Variants in FSTL4 observed in about 807,000 individuals in gnomAD.
The protein encoded by FSTL4 is follistatin like 4.
A neutral mutation model predicts 78.2 loss-of-function variants in FSTL4; 28 were observed. The ratio of observed to expected loss-of-function variants is 0.36; its 90% CI spans 0.27 to 0.49. FSTL4 has a LOEUF of 0.49. FSTL4 is among the 20% of genes least tolerant of loss of function. The pLI is 0.98. For synonymous variants in FSTL4, 422 were observed against 440.5 expected (o/e 0.96, Z 0.53); for missense variants, 922 against 1,084.9 (o/e 0.85, Z 2.11).
the FSTL4 span, among the ~76,000 whole-genome samples, chr5:133,637,416 T>C: frequency 6.6e-6 from 1 of 152,118 alleles, no homozygotes; most frequent in Non-Finnish European, 1.5e-5. Flanking sequence ...GAGCATCTAC[T>C]ATATTCTAGG....
At chr5:133,807,458 G>T in the FSTL4 span, among the ~76,000 whole-genome samples, 1 of 152,198 alleles carries the variant, frequency 6.6e-6, no homozygotes. Context: ...AGGACAAATG[G>T]CTTAATCAAA....
chr5:133,472,774 T>C (rs1757850635), intron 3 of FSTL4, among the ~76,000 whole-genome samples: 1 of 152,256 alleles, frequency 6.6e-6, no homozygotes, highest in Non-Finnish European at 1.5e-5. Context: ...AATGCTGACA[T>C]GGCAAGGACA....
intron 6 of FSTL4, among the ~76,000 whole-genome samples, chr5:133,255,577 G>A (rs1399742761): frequency 6.6e-6 from 1 of 152,220 alleles, no homozygotes; most frequent in African/African-American, 2.4e-5. Context: ...TGGCACTCTG[G>A]TGCCTAGCAC....
chr5:133,240,140 G>A (rs539711854), intron 7 of FSTL4, among the ~76,000 whole-genome samples: 2 of 152,184 alleles, frequency 1.3e-5, no homozygotes, highest in African/African-American at 2.4e-5. Context: ...AAGCCAGCGA[G>A]ACCACGAACC....
At chr5:133,776,820 C>A in the FSTL4 span, among the ~76,000 whole-genome samples, 2 of 152,172 alleles carry the variant, frequency 1.3e-5, no homozygotes, top group Admixed American at 1.3e-4. Context: ...GGCTCTAGGG[C>A]CCCAGCTCTG....
the FSTL4 span, among the ~76,000 whole-genome samples, chr5:133,619,504 A>T: frequency 2.0e-5 from 3 of 152,206 alleles, no homozygotes; most frequent in Non-Finnish European, 4.4e-5. Flanking sequence ...ATGGGAGGCA[A>T]ATGCTATTAA....
intron 8 of FSTL4, among the ~76,000 whole-genome samples, chr5:133,230,739 C>T (rs567373385): frequency 3.9e-5 from 6 of 152,288 alleles, no homozygotes; most frequent in Middle Eastern, 6.8e-3. Context: ...TCTCCTCCTG[C>T]GCCTTATCCC....
chr5:133,825,058 C>T, the FSTL4 span, among the ~76,000 whole-genome samples: 2 of 152,178 alleles, frequency 1.3e-5, no homozygotes, highest in Non-Finnish European at 2.9e-5. Context: ...GATGAAGAGG[C>T]TCAGTGGCCT....
the FSTL4 span, among the ~76,000 whole-genome samples, chr5:133,719,672 TAAAA>T: frequency 2.9e-5 from 3 of 102,038 alleles, no homozygotes; most frequent in African/African-American, 3.8e-5. Flanking sequence ...AAACTCCATC[TAAAA>T]AAAAAAAAAA....
the FSTL4 span, among the ~76,000 whole-genome samples, chr5:133,761,725 G>A: frequency 6.6e-6 from 1 of 152,208 alleles, no homozygotes; most frequent in African/African-American, 2.4e-5. Flanking sequence ...GTGTTGGACA[G>A]GCTGGAGGTG....
At chr5:133,548,234 T>C (rs1386079706) in intron 3 of FSTL4, among the ~76,000 whole-genome samples, 2 of 152,224 alleles carry the variant, frequency 1.3e-5, no homozygotes, top group African/African-American at 4.8e-5. Context: ...GGATTTATGG[T>C]CAGTGTTTAT....
Position 133,458,718 on chromosome 5 carries a change from C to T in FSTL4, c.161-57732G>A, listed in dbSNP as rs75992283. 2.2e-3 allele frequency among the ~76,000 whole-genome samples: 334 copies of T among 152,356 alleles called. 2 individuals are homozygous for T. Among genetic ancestry groups the T allele is most frequent in the Admixed American group, 0.016 (238 of 15,310 alleles). On this transcript the variant is annotated intron_variant, in intron 3 of 15. Coordinates refer to ENST00000265342, the MANE Select transcript of FSTL4 (RefSeq NM_015082.2). ...CTGTTTTCCAGTTACCAGGGCCTCA[C>T]AGACACAAGCACTGGCATCACTGTT...
At position 133,225,296 on chromosome 5, in the gene FSTL4, A is replaced by G. The variant is rs770464878; in HGVS notation, c.1178-12T>C. Reference sequence around the variant, plus strand: ...TTCGCTCCCATTGGCTGCAGACAGGACAGTGCTCAGGGTGGACTGCTCAGC... The same window carrying G: ...TTCGCTCCCATTGGCTGCAGACAGGGCAGTGCTCAGGGTGGACTGCTCAGC... On this transcript the variant is annotated splice_polypyrimidine_tract_variant and intron_variant, in intron 9 of 15. Transcript: ENST00000265342. This position sits in a 1 kb window ranked among gnomAD's most constrained non-coding sequence, Gnocchi z 4.6. 75 of 1,614,020 alleles carry G rather than the reference A, an allele frequency of 4.6e-5. No homozygotes were observed. The highest frequency in any genetic ancestry group is 1.2e-5 in the Non-Finnish European group (14 of 1,180,048).
At chr5:133,390,034 C>A (rs1247099840) in intron 4 of FSTL4, among the ~76,000 whole-genome samples, 1 of 152,172 alleles carries the variant, frequency 6.6e-6, no homozygotes, top group Non-Finnish European at 1.5e-5. Flanking sequence ...TTTGGGCATA[C>A]CTTAGCCAAC....
At chr5:133,471,917 C>T (rs1004063556) in intron 3 of FSTL4, among the ~76,000 whole-genome samples, 7 of 152,186 alleles carry the variant, frequency 4.6e-5, no homozygotes, top group African/African-American at 1.7e-4. Context: ...CTAGGTCTCA[C>T]ATACAGGGTG....
intron 4 of FSTL4, among the ~76,000 whole-genome samples, chr5:133,317,710 C>A (rs1753943438): frequency 2.0e-5 from 3 of 152,244 alleles, no homozygotes; most frequent in Non-Finnish European, 1.5e-5. Context: ...TAGCCTTGGG[C>A]AGGGTGCCTC....
At chr5:133,315,907 A>T (rs928671367) in intron 5 of FSTL4, among the ~76,000 whole-genome samples, 2 of 152,218 alleles carry the variant, frequency 1.3e-5, no homozygotes, top group African/African-American at 2.4e-5. Flanking sequence ...GACAAAGGAC[A>T]TGTGTGCTGT....
intron 3 of FSTL4, among the ~76,000 whole-genome samples, chr5:133,516,076 G>C (rs1160493269): frequency 1.3e-5 from 2 of 151,950 alleles, no homozygotes; most frequent in Non-Finnish European, 2.9e-5. Context: ...GACCAAGGAG[G>C]ACTTATTCTA....
intron 4 of FSTL4, among the ~76,000 whole-genome samples, chr5:133,369,768 G>C (rs1157255793): frequency 2.0e-5 from 3 of 152,206 alleles, no homozygotes; most frequent in Non-Finnish European, 4.4e-5. Context: ...CAACACACTT[G>C]TGCCATTTGA....
Sources: gnomAD v4.1 joint callset for allele counts (sites outside exome capture counted in the v4.1 genomes callset) on GRCh38, gnomAD v4.1.1 for gene constraint, Gnocchi (gnomAD v3.1) non-coding constraint, MANE v1.5 for transcripts, NCBI Gene and HGNC (gene_info 2026-07-23, HGNC 2026-07-21) for gene names.